Variants in SRD5A1 observed in about 807,000 individuals in gnomAD.
SRD5A1 encodes 3-oxo-5-alpha-steroid 4-dehydrogenase 1.
SRD5A1 carries 22 observed loss-of-function variants against 28.2 expected under a neutral mutation model. The observed-to-expected ratio is 0.78, with a 90% confidence interval of 0.56 to 1.12. The LOEUF (loss-of-function observed/expected upper bound fraction) is 1.12, where lower values mean the gene tolerates loss of function less well. Among genes scored for constraint, SRD5A1 ranks in the 50% most tolerant of loss-of-function variants. SRD5A1 has a pLI of 0.00. For missense variants in SRD5A1, 300 were observed against 346.7 expected (o/e 0.87, Z 1.07); for synonymous variants, 151 against 135.0 (o/e 1.12, Z -0.82).
chr5:6,666,624 C>T (rs1489909504), intron 4 of SRD5A1, among the ~76,000 whole-genome samples: 9 of 152,114 alleles, frequency 5.9e-5, no homozygotes, highest in Non-Finnish European at 1.3e-4. Flanking sequence ...TAAAGGTATT[C>T]TAAGGAGTAA....
chr5:6,658,411 C>G (rs954045397), intron 3 of SRD5A1, among the ~76,000 whole-genome samples: 7 of 152,240 alleles, frequency 4.6e-5, no homozygotes, highest in African/African-American at 1.7e-4. Flanking sequence ...AACCCGCAAT[C>G]TACAAACTTA....
Position 6,656,198 on chromosome 5 carries a change from G to C in SRD5A1, c.562+19G>C. On this transcript the variant is annotated intron_variant, in intron 3 of 4. Coordinates refer to ENST00000274192, the MANE Select transcript of SRD5A1 (RefSeq NM_001047.4). ...CCAAGGGGTACGTACAGAAAGTGAAGAATTTCTGTGAAAGTTGCTTGCCAT... is the reference window on the plus strand; with the variant it reads ...CCAAGGGGTACGTACAGAAAGTGAACAATTTCTGTGAAAGTTGCTTGCCAT... 1.3e-6 allele frequency: 2 copies of C among 1,583,488 alleles called. No homozygotes were observed. Among genetic ancestry groups the C allele is most frequent in the Non-Finnish European group, 1.7e-6 (2 of 1,153,424 alleles).
chr5:6,655,600 C>G (rs536397474), intron 2 of SRD5A1, among the ~76,000 whole-genome samples: 2 of 152,342 alleles, frequency 1.3e-5, no homozygotes, highest in South Asian at 2.1e-4. Flanking sequence ...AGATCTACTC[C>G]TAGGAACTGC....
intron 4 of SRD5A1, among the ~76,000 whole-genome samples, chr5:6,666,231 T>C (rs1370296033): frequency 6.6e-6 from 1 of 152,070 alleles, no homozygotes; most frequent in Non-Finnish European, 1.5e-5. Context: ...CACTGCAAGC[T>C]CTGCCTCCCA....
intron 4 of SRD5A1, among the ~76,000 whole-genome samples, chr5:6,664,763 C>T (rs8192230): frequency 1.3e-4 from 20 of 152,224 alleles, no homozygotes; most frequent in Admixed American, 4.6e-4. Flanking sequence ...GAGCAGCGCC[C>T]CGCATTCTTC....
chr5:6,658,259 A>T (rs1738890747), intron 3 of SRD5A1, among the ~76,000 whole-genome samples: 2 of 152,204 alleles, frequency 1.3e-5, no homozygotes, highest in South Asian at 4.1e-4. Flanking sequence ...TGGGAGGCAG[A>T]GGGTGCAGTT....
intron 1 of SRD5A1, among the ~76,000 whole-genome samples, chr5:6,642,459 T>C (rs1024402473): frequency 9.2e-5 from 14 of 152,242 alleles, no homozygotes; most frequent in South Asian, 2.1e-4. Flanking sequence ...TTTTGAAATA[T>C]GGAAATCCAG....
At chr5:6,650,147 G>A (rs1738627630) in intron 1 of SRD5A1, among the ~76,000 whole-genome samples, 2 of 152,188 alleles carry the variant, frequency 1.3e-5, no homozygotes, top group African/African-American at 4.8e-5. Context: ...ATTGGTATAA[G>A]GTTGTTCATA....
chr5:6,641,831 C>G lies in SRD5A1; in HGVS notation c.293+7962C>G, dbSNP rs370447832. ...CTACGCAGAAGCACGTCCTCACTCC[C>G]AGAGCACAGCCAAACCTAGACCGCA... is the stretch of plus-strand genomic sequence containing the variant. On this transcript the variant is annotated intron_variant, in intron 1 of 4. Transcript: ENST00000274192. Among the ~76,000 whole-genome samples the G allele has an allele frequency of 5.3e-5, 8 of 152,358 alleles. No individual in the cohort carries two copies. In the South Asian group the frequency reaches 1.7e-3, roughly 32 times the overall value.
intron 1 of SRD5A1, among the ~76,000 whole-genome samples, chr5:6,649,880 A>G (rs1738621275): frequency 6.6e-6 from 1 of 152,146 alleles, no homozygotes; most frequent in Non-Finnish European, 1.5e-5. Context: ...GTTCCTATTC[A>G]GCCATCTTGC....
chr5:6,661,793 A>G (rs1009458803), intron 3 of SRD5A1, among the ~76,000 whole-genome samples: 1 of 152,072 alleles, frequency 6.6e-6, no homozygotes, highest in Admixed American at 6.6e-5. Context: ...TCAGCCTCCC[A>G]AAGTTCTGGG....
intron 1 of SRD5A1, among the ~76,000 whole-genome samples, chr5:6,641,854 G>A (rs973390960): frequency 1.3e-5 from 2 of 152,194 alleles, no homozygotes; most frequent in Non-Finnish European, 2.9e-5. Context: ...AACCTAGACC[G>A]CAGCAGCTGC....
chr5:6,638,149 A>G (rs1029699344), intron 1 of SRD5A1, among the ~76,000 whole-genome samples: 1 of 152,108 alleles, frequency 6.6e-6, no homozygotes, highest in Non-Finnish European at 1.5e-5. Flanking sequence ...GACCGTCCTG[A>G]CCAACATGCT....
rs997295040 is a variant in SRD5A1 at position 6,633,468 on chromosome 5, A to ACTCCGGTAGCCGCCC, written c.-89_-75dup. 1.5e-5 allele frequency: 19 copies of ACTCCGGTAGCCGCCC among 1,245,262 alleles called. No individual in the cohort carries two copies. The highest frequency in any genetic ancestry group is 5.2e-5 in the South Asian group (3 of 58,236). The allele number at this position is 1,245,262 out of a possible 1,614,324, so 77.1% of individuals were successfully genotyped here. ...TTCTGCAGAGTCCCGGCAGTGCGGG[A>ACTCCGGTAGCCGCCC]CTCCGGTAGCCGCCCCTCCGGTAGC... is the stretch of plus-strand genomic sequence containing the variant. On this transcript the variant is annotated 5_prime_UTR_variant, in exon 1 of 5. Transcript: ENST00000274192.
chr5:6,651,898 G>A lies in SRD5A1; in HGVS notation c.350G>A (p.Cys117Tyr). The A allele has an allele frequency of 6.2e-7, 1 of 1,613,824 alleles. No individual in the cohort carries two copies. Residue 117 changes from cysteine to tyrosine, a missense_variant, in exon 2 of 5, where the codon TGT (cysteine) becomes TAT (tyrosine). Physicochemically the swap from Cys to Tyr is radical, Grantham distance 194. This residue lies in a region of SRD5A1 where 126 missense variants were observed against 185.7 expected (regional missense o/e 0.68). Transcript: ENST00000274192. The stretch of plus-strand genomic sequence containing the variant: ...GGAAAGCCTATGCCACTGTTGGCGT[G>A]TACAATGGCGATTATGTTCTGTACC... ...RGGKPMPLLA[C>Y]TMAIMFCTCN... is the part of the protein sequence containing the mutation.
At chr5:6,634,563 A>G (rs1349365656) in intron 1 of SRD5A1, among the ~76,000 whole-genome samples, 1 of 152,134 alleles carries the variant, frequency 6.6e-6, no homozygotes, top group African/African-American at 2.4e-5. Context: ...ATCAGCTGCA[A>G]CTGGAAACCT....
intron 1 of SRD5A1, among the ~76,000 whole-genome samples, chr5:6,634,914 C>G (rs1239405943): frequency 6.6e-6 from 1 of 152,198 alleles, no homozygotes; most frequent in Non-Finnish European, 1.5e-5. Context: ...GAAAGCTTCA[C>G]AGTTAAAAAG....
chr5:6,635,553 A>AC (rs1384620296), intron 1 of SRD5A1, among the ~76,000 whole-genome samples: 1 of 152,052 alleles, frequency 6.6e-6, no homozygotes, highest in Non-Finnish European at 1.5e-5. Context: ...TGGTGATGGA[A>AC]CCCCCCTGTG....
chr5:6,666,371 A>C (rs1739178896), intron 4 of SRD5A1, among the ~76,000 whole-genome samples: 2 of 152,062 alleles, frequency 1.3e-5, no homozygotes, highest in South Asian at 4.1e-4. Context: ...GATGGTCTTG[A>C]TCTCCTGACC....
Sources: gnomAD v4.1 joint callset for allele counts (sites outside exome capture counted in the v4.1 genomes callset) on GRCh38, gnomAD v4.1.1 for gene constraint, gnomAD v4.1.1 regional missense constraint, MANE v1.5 for transcripts, NCBI Gene and HGNC (gene_info 2026-07-23, HGNC 2026-07-21) for gene names.